Variants in ACAA2 observed in about 807,000 individuals in gnomAD.
The protein encoded by ACAA2 is 3-ketoacyl-CoA thiolase, mitochondrial.
ACAA2 carries 35 observed loss-of-function variants against 44.8 expected under a neutral mutation model. That is an observed-to-expected ratio of 0.78 (90% CI 0.60 to 1.04). The LOEUF (loss-of-function observed/expected upper bound fraction) is 1.04. Ranked by LOEUF, ACAA2 falls within the 50% of genes least tolerant of loss-of-function variation. ACAA2 has a pLI of 0.00. For missense variants in ACAA2, 468 were observed against 482.6 expected (o/e 0.97, Z 0.28); for synonymous variants, 142 against 166.5 (o/e 0.85, Z 1.13).
intron 5 of ACAA2, 88 bp from the exon 6 acceptor site, chr18:49,792,415 T>C: frequency 5.1e-6 from 6 of 1,170,998 alleles, no homozygotes; most frequent in Non-Finnish European, 7.2e-6. Context: ...ATTTCTGATC[T>C]ACCTTTTCCT....
chr18:49,783,527 G>C lies in ACAA2; in HGVS notation c.*320C>G, dbSNP rs2051003189. The C allele has an allele frequency of 4.9e-6, 1 of 202,334 alleles. No homozygotes were observed. The highest frequency in any genetic ancestry group is 1.0e-5 in the Non-Finnish European group (1 of 99,460). 12.5% of individuals were successfully genotyped at this position (202,334 alleles called of 1,614,324 possible). The stretch of plus-strand genomic sequence containing the variant: ...ACTGAAGTTAAGGCAACATTTATTT[G>C]ATTTCCTTATAATCATATTATCTAA... On this transcript the variant is annotated 3_prime_UTR_variant, in exon 10 of 10. Coordinates refer to ENST00000285093, the MANE Select transcript of ACAA2 (RefSeq NM_006111.3).
At position 49,793,529 on chromosome 18, in the gene ACAA2, A is replaced by G. The variant is rs1165387855; in HGVS notation, c.577+751T>C. Among the ~76,000 whole-genome samples, 3 of 152,240 alleles carry G rather than the reference A, an allele frequency of 2.0e-5. No homozygotes were observed. In the South Asian group the frequency reaches 6.2e-4, roughly 32 times the overall value. ...CTCTTCCACTATGAACATATAAGTA[A>G]AAAAACACACGAGTTAGATGGCATC... On this transcript the variant is annotated intron_variant, in intron 5 of 9. Coordinates refer to ENST00000285093, the MANE Select transcript of ACAA2 (RefSeq NM_006111.3).
chr18:49,794,571 G>A lies in ACAA2; in HGVS notation c.430-144C>T. The A allele has an allele frequency of 1.6e-5, 10 of 640,922 alleles. 1 individual carries two copies. Among genetic ancestry groups the A allele is most frequent in the South Asian group, 1.1e-4 (3 of 26,834 alleles). 39.7% of individuals were successfully genotyped at this position (640,922 alleles called of 1,614,324 possible). A position where few individuals can be genotyped will look rare whatever the true frequency, so the allele number is the denominator to read the frequency against. On this transcript the variant is annotated intron_variant, in intron 4 of 9. Coordinates refer to ENST00000285093, the MANE Select transcript of ACAA2 (RefSeq NM_006111.3). The stretch of plus-strand genomic sequence containing the variant: ...ATAACCACTATTCATATTCAGTTAT[G>A]GGATATTTTTTAAAAACATGCAATG...
intron 3 of ACAA2, among the ~76,000 whole-genome samples, chr18:49,797,073 A>G (rs2023473147): frequency 6.6e-6 from 1 of 152,126 alleles, no homozygotes; most frequent in African/African-American, 2.4e-5. Context: ...ACCCATCTCC[A>G]GAACGCTTTT....
At chr18:49,792,979 A>G (rs2023423344) in intron 5 of ACAA2, among the ~76,000 whole-genome samples, 4 of 152,144 alleles carry the variant, frequency 2.6e-5, no homozygotes. Context: ...TTTTAACCAC[A>G]ATTTTTTTTC....
At chr18:49,802,365 C>T (rs1303611066) in intron 2 of ACAA2, among the ~76,000 whole-genome samples, 1 of 151,884 alleles carries the variant, frequency 6.6e-6, no homozygotes, top group African/African-American at 2.4e-5. Flanking sequence ...AGATCGAGAC[C>T]ATCCTGGCCA....
chr18:49,792,264 T>C lies in ACAA2; in HGVS notation c.641A>G (p.Lys214Arg). The change falls in exon 6 of 10, where the codon AAA (lysine) becomes AGA (arginine). Residue 214 changes from lysine (K) to arginine (R), a missense_variant. By Grantham distance (26) the Lys-to-Arg change is conservative (BLOSUM62 2). Transcript: ENST00000285093. Reference protein sequence around the residue: ...APIEVKTKKGKQTMQVDEHAR... With the variant: ...APIEVKTKKGRQTMQVDEHAR... ...ATGCTCGTCTACCTGCATTGTCTGT[T>C]TTCCTTTCTTTGTCTTCACTTCAAT... is the stretch of plus-strand genomic sequence containing the variant. 1 of 1,614,048 alleles carries C rather than the reference T, an allele frequency of 6.2e-7. No homozygotes were observed. Among genetic ancestry groups the C allele is most frequent in the Non-Finnish European group, 8.5e-7 (1 of 1,180,002 alleles).
rs530548359 is a variant in ACAA2 at position 49,787,761 on chromosome 18, T to C, written c.884-400A>G. 2.6e-5 allele frequency among the ~76,000 whole-genome samples: 4 copies of C among 152,324 alleles called. No homozygotes were observed. The South Asian group carries it at 6.2e-4, about 24-fold the overall frequency. ...AGTTCTACCATAAACGGCTTTAAGATTGAAAACAGCCAAAGGAGTCCATAT... is the reference window on the plus strand; with the variant it reads ...AGTTCTACCATAAACGGCTTTAAGACTGAAAACAGCCAAAGGAGTCCATAT... On this transcript the variant is annotated intron_variant, in intron 7 of 9. Transcript: ENST00000285093.
chr18:49,809,503 T>A (rs747114154), intron 1 of ACAA2, among the ~76,000 whole-genome samples: 1 of 152,126 alleles, frequency 6.6e-6, no homozygotes, highest in Non-Finnish European at 1.5e-5. Context: ...GGTGAATGGA[T>A]AAACAAACTG....
At chr18:49,809,029 C>G (rs1005096090) in intron 1 of ACAA2, among the ~76,000 whole-genome samples, 1 of 152,082 alleles carries the variant, frequency 6.6e-6, no homozygotes, top group Non-Finnish European at 1.5e-5. Context: ...GACCTCCCCC[C>G]AGGAATACAA....
intron 1 of ACAA2, among the ~76,000 whole-genome samples, chr18:49,805,107 G>C (rs2023597432): frequency 1.3e-5 from 2 of 152,134 alleles, no homozygotes; most frequent in East Asian, 1.9e-4. Flanking sequence ...TTCTCTCCAA[G>C]ACAATCTAAG....
At position 49,813,466 on chromosome 18, in the gene ACAA2, C is replaced by T. The variant is rs958441779; in HGVS notation, c.16+3G>A. On this transcript the variant is annotated splice_donor_region_variant and intron_variant, in intron 1 of 9. Coordinates refer to ENST00000285093, the MANE Select transcript of ACAA2 (RefSeq NM_006111.3). ...GAGGAGAGGAGGAGGGGGCTGCGCT[C>T]ACCTCGGAGCAGAGCCATGGCGGCT... The T allele has an allele frequency of 6.4e-6, 8 of 1,242,272 alleles. No homozygotes were observed. Among genetic ancestry groups the T allele is most frequent in the Admixed American group, 8.4e-5 (2 of 23,714 alleles). 77.0% of individuals were successfully genotyped at this position (1,242,272 alleles called of 1,614,324 possible). A position where few individuals can be genotyped will look rare whatever the true frequency, so the allele number is the denominator to read the frequency against.
chr18:49,805,755 TTTTC>T (rs1449986993), intron 1 of ACAA2, among the ~76,000 whole-genome samples: 1 of 151,810 alleles, frequency 6.6e-6, no homozygotes, highest in Non-Finnish European at 1.5e-5. Flanking sequence ...TTTTACCTTT[TTTTC>T]TTTTTTTTTT....
rs2023412816 is a variant in ACAA2, at chr18:49,792,335, A to C, written c.578-8T>G. 1 of 1,606,402 alleles carries C rather than the reference A, an allele frequency of 6.2e-7. No homozygotes were observed. Among genetic ancestry groups the C allele is most frequent in the Non-Finnish European group, 8.5e-7 (1 of 1,174,046 alleles). On this transcript the variant is annotated splice_region_variant and splice_polypyrimidine_tract_variant and intron_variant, in intron 5 of 9. Transcript: ENST00000285093. ...AGTAGCCAGCATCATTAGCTGAAAAATAGTAGAGAGACTATCATAAGAATA... is the reference window on the plus strand; with the variant it reads ...AGTAGCCAGCATCATTAGCTGAAAACTAGTAGAGAGACTATCATAAGAATA...
chr18:49,784,124 A>C (rs556389712), intron 9 of ACAA2, among the ~76,000 whole-genome samples, 193 bp from the exon 10 acceptor site: 3 of 151,704 alleles, frequency 2.0e-5, no homozygotes, highest in South Asian at 2.1e-4. Flanking sequence ...ATCAAAAAAA[A>C]CAAAAAACAA....
chr18:49,809,791 T>C (rs1437873217), intron 1 of ACAA2, among the ~76,000 whole-genome samples: 1 of 152,214 alleles, frequency 6.6e-6, no homozygotes, highest in Non-Finnish European at 1.5e-5. Flanking sequence ...ACTATAATAC[T>C]GACATCGGTC....
At position 49,787,318 on chromosome 18, in the gene ACAA2, C is replaced by CAGTCCTGCTTTCTT; in HGVS notation, c.913_926dup (p.Ser310ArgfsTer5). 7.0e-7 allele frequency: 1 copy of CAGTCCTGCTTTCTT among 1,420,770 alleles called. No homozygotes were observed. The highest frequency in any genetic ancestry group is 3.0e-5 in the East Asian group (1 of 33,536). The allele number at this position is 1,420,770 out of a possible 1,614,324, so 88.0% of individuals were successfully genotyped here. On this transcript the variant is annotated frameshift_variant, in exon 8 of 10. Coordinates refer to ENST00000285093, the MANE Select transcript of ACAA2 (RefSeq NM_006111.3). LOFTEE classifies it high-confidence loss of function. Reference sequence around the variant, plus strand: ...CTACCAAATCCATGTCCTTAAGACTCAGTCCTGCTTTCTTCAGTGCCCCAC... The same window carrying CAGTCCTGCTTTCTT: ...CTACCAAATCCATGTCCTTAAGACTCAGTCCTGCTTTCTTAGTCCTGCTTTCTTCAGTGCCCCAC...
In ACAA2 at chr18:49,810,286, T is replaced by G. The variant is rs11875628; in HGVS notation, c.16+3183A>C. Among the ~76,000 whole-genome samples, 29 of 152,100 alleles carry G rather than the reference T, an allele frequency of 1.9e-4. No homozygotes were observed. In the East Asian group the frequency reaches 4.4e-3, roughly 23 times the overall value. On this transcript the variant is annotated intron_variant, in intron 1 of 9. Transcript: ENST00000285093. ...CGTTCTCCTGCAGCTTGGCACATCA[T>G]TGTCAAACTTTTGAAATCCAAAGAT...
chr18:49,797,436 T>C, intron 3 of ACAA2, 30 bp downstream of exon 3: 2 of 1,586,540 alleles, frequency 1.3e-6, no homozygotes, highest in Non-Finnish European at 1.7e-6. Flanking sequence ...TAACATATTT[T>C]CAGAGAATTT....
Sources: allele counts gnomAD v4.1 joint callset (sites outside exome capture counted in the v4.1 genomes callset), GRCh38; gene constraint gnomAD v4.1.1; transcripts MANE v1.5; gene names NCBI Gene and HGNC (gene_info 2026-07-23, HGNC 2026-07-21).